CSMD3: variants seen among roughly 807,000 people sequenced by gnomAD.
The protein encoded by CSMD3 is CUB and sushi domain-containing protein 3.
A neutral mutation model predicts 435.2 loss-of-function variants in CSMD3; 177 were observed. That is an observed-to-expected ratio of 0.41 (90% CI 0.36 to 0.46). CSMD3 has a LOEUF of 0.46. Among genes scored for constraint, CSMD3 ranks in the 20% least tolerant of loss-of-function variants. The pLI is 0.34. For synonymous variants in CSMD3, 1,656 were observed against 1,520.5 expected, an observed-to-expected ratio of 1.09 and a Z score of -2.07; for missense variants, 4,265 against 4,504.6, an observed-to-expected ratio of 0.95 and a Z score of 1.52.
intron 53 of CSMD3, among the ~76,000 whole-genome samples, chr8:112,298,066 C>CAAAAAAAAAAAA (rs35232021): frequency 1.1e-5 from 1 of 93,588 alleles, no homozygotes; most frequent in Non-Finnish European, 2.2e-5. Flanking sequence ...TGCCATTGCA[C>CAAAAAAAAAAAA]AAAAAAAAAA....
Position 112,454,510 on chromosome 8 carries a change from A to G in CSMD3, c.5395+18081T>C, listed in dbSNP as rs561528115. 4.6e-5 allele frequency among the ~76,000 whole-genome samples: 7 copies of G among 152,350 alleles called. 1 individual carries two copies. In the East Asian group the frequency reaches 1.3e-3, roughly 29 times the overall value. On this transcript the variant is annotated intron_variant, in intron 32 of 70. Transcript: ENST00000297405. ...AAAATGCTCAACACCACTAGTCATC[A>G]GGGAAATGCAAATCCAAACTATAAT...
At chr8:112,522,306 T>A (rs72676639) in intron 27 of CSMD3, among the ~76,000 whole-genome samples, 2,093 of 152,030 alleles carry the variant, frequency 0.014, 31 homozygotes, top group Non-Finnish European at 0.02. Context: ...TGTTTTATTC[T>A]AATTATATAT....
rs114983926 is a variant in CSMD3, at chr8:112,651,370, G to A, written c.3005-1021C>T. Among the ~76,000 whole-genome samples the A allele has an allele frequency of 4.3e-3, 659 of 152,052 alleles. 7 individuals are homozygous for A. Among genetic ancestry groups the A allele is most frequent in the African/African-American group, 0.015 (610 of 41,472 alleles). The stretch of plus-strand genomic sequence containing the variant: ...AAAATAGAAGTTTAATTTTAAAGAC[G>A]GAAATTGTACATTTTAAGTGTATTT... On this transcript the variant is annotated intron_variant, in intron 18 of 70. Coordinates refer to ENST00000297405, the MANE Select transcript of CSMD3 (RefSeq NM_198123.2).
At chr8:113,214,630 T>C (rs986216524) in intron 3 of CSMD3, among the ~76,000 whole-genome samples, 3 of 151,950 alleles carry the variant, frequency 2.0e-5, no homozygotes, top group Non-Finnish European at 4.4e-5. Flanking sequence ...TCTACAAATA[T>C]CTACAATATC....
intron 32 of CSMD3, among the ~76,000 whole-genome samples, chr8:112,459,222 G>A (rs1345789631): frequency 1.3e-5 from 2 of 151,890 alleles, no homozygotes; most frequent in African/African-American, 4.8e-5. Context: ...GCATACTGCA[G>A]TTTTCACTCA....
At chr8:113,197,987 A>T (rs1419346525) in intron 3 of CSMD3, among the ~76,000 whole-genome samples, 1 of 151,394 alleles carries the variant, frequency 6.6e-6, no homozygotes, top group Non-Finnish European at 1.5e-5. Flanking sequence ...TTATAAATGT[A>T]GTTGTTCCTA....
chr8:112,350,811 TTATC>T (rs1309321354), intron 40 of CSMD3, among the ~76,000 whole-genome samples: 5 of 152,096 alleles, frequency 3.3e-5, no homozygotes, highest in African/African-American at 1.2e-4. Context: ...TTTAGATTCT[TTATC>T]TATTCCCGCT....
intron 16 of CSMD3, among the ~76,000 whole-genome samples, chr8:112,675,102 T>A (rs1723728548): frequency 6.6e-6 from 1 of 152,230 alleles, no homozygotes; most frequent in Admixed American, 6.6e-5. Flanking sequence ...GGAATATAGA[T>A]AATTTTTTCT....
At chr8:112,344,599 G>C (rs1405926770) in intron 41 of CSMD3, among the ~76,000 whole-genome samples, 1 of 152,114 alleles carries the variant, frequency 6.6e-6, no homozygotes, top group African/African-American at 2.4e-5. Context: ...TACCTGGTTT[G>C]TGCTTCAATG....
intron 45 of CSMD3, among the ~76,000 whole-genome samples, chr8:112,327,351 A>G (rs1275159204): frequency 6.6e-6 from 1 of 152,180 alleles, no homozygotes; most frequent in Non-Finnish European, 1.5e-5. Flanking sequence ...ATAATCTTAG[A>G]AATCATTTCT....
At chr8:112,829,885 GCACACACACACACACACACACACACA>G (rs57982384) in intron 11 of CSMD3, 96 bp from the exon 12 acceptor site, 28 of 600,102 alleles carry the variant, frequency 4.7e-5, no homozygotes, top group Non-Finnish European at 7.8e-5. Flanking sequence ...TTGTCTCTCT[GCACACACACACACACACACACACACA>G]CACACACACA....
intron 3 of CSMD3, among the ~76,000 whole-genome samples, chr8:113,233,683 A>G (rs1439476869): frequency 4.6e-5 from 7 of 151,964 alleles, no homozygotes; most frequent in Non-Finnish European, 1.0e-4. Context: ...AAACACTTAT[A>G]TTCAAGGATT....
intron 1 of CSMD3, among the ~76,000 whole-genome samples, chr8:113,375,968 T>C (rs1275864149): frequency 6.6e-6 from 1 of 152,188 alleles, no homozygotes; most frequent in Non-Finnish European, 1.5e-5. Context: ...CTGTGTTCTT[T>C]TAATGTCATA....
chr8:112,293,843 T>A (rs1305424455), intron 54 of CSMD3, among the ~76,000 whole-genome samples: 3 of 152,158 alleles, frequency 2.0e-5, no homozygotes, highest in Admixed American at 6.5e-5. Flanking sequence ...CAATTATTTT[T>A]CAGCTGTATT....
intron 70 of CSMD3, among the ~76,000 whole-genome samples, chr8:112,226,664 T>TA (rs1253778593): frequency 1.3e-5 from 2 of 152,238 alleles, no homozygotes; most frequent in East Asian, 3.9e-4. Context: ...ATATATCTAA[T>TA]AAGGGCCTAG....
intron 13 of CSMD3, among the ~76,000 whole-genome samples, chr8:112,741,658 T>C (rs529368108): frequency 6.8e-4 from 103 of 151,954 alleles, no homozygotes; most frequent in African/African-American, 2.4e-3. Context: ...TTAAAAATTA[T>C]GTTGACAAGA....
intron 13 of CSMD3, among the ~76,000 whole-genome samples, chr8:112,734,976 A>AG (rs1168356246): frequency 2.0e-5 from 3 of 152,004 alleles, no homozygotes; most frequent in Non-Finnish European, 4.4e-5. Flanking sequence ...AAGACGTAGT[A>AG]GGAAGAGCTC....
intron 2 of CSMD3, among the ~76,000 whole-genome samples, chr8:113,287,166 A>G (rs1240403777): frequency 1.3e-5 from 2 of 152,034 alleles, no homozygotes; most frequent in Admixed American, 6.6e-5. Context: ...GCTAATGCTA[A>G]GATATATTAT....
chr8:112,675,124 G>A (rs923019483), intron 16 of CSMD3, among the ~76,000 whole-genome samples: 1 of 152,048 alleles, frequency 6.6e-6, no homozygotes, highest in Non-Finnish European at 1.5e-5. Flanking sequence ...CTTAACTGGA[G>A]ATCTAAGTTG....
Sources: gnomAD v4.1 joint callset for allele counts (sites outside exome capture counted in the v4.1 genomes callset) on GRCh38, gnomAD v4.1.1 for gene constraint, MANE v1.5 for transcripts, NCBI Gene and HGNC (gene_info 2026-07-23, HGNC 2026-07-21) for gene names.